Variants in LARP4B observed in about 807,000 individuals in gnomAD.
LARP4B encodes the protein La ribonucleoprotein 4B.
In LARP4B, 12 loss-of-function variants were observed where a neutral mutation model predicts 89.8. That is an observed-to-expected ratio of 0.13 (90% CI 0.09 to 0.22). LARP4B has a LOEUF of 0.22. Among genes scored for constraint, LARP4B ranks in the 10% least tolerant of loss-of-function variants. The pLI is 1.00. For synonymous variants in LARP4B, 367 were observed against 363.3 expected, an observed-to-expected ratio of 1.01 and a Z score of -0.12; for missense variants, 757 against 947.7, an observed-to-expected ratio of 0.80 and a Z score of 2.64.
intron 1 of LARP4B, among the ~76,000 whole-genome samples, chr10:926,893 G>A (rs566196253): frequency 9.2e-5 from 14 of 152,144 alleles, no homozygotes; most frequent in Admixed American, 4.6e-4. Flanking sequence ...AAAATTAGCC[G>A]GGCGTGGTGG....
At chr10:880,357 GT>G (rs1476047172) in intron 3 of LARP4B, among the ~76,000 whole-genome samples, 2 of 152,076 alleles carry the variant, frequency 1.3e-5, no homozygotes, top group East Asian at 3.9e-4. Flanking sequence ...AGGGACTAAA[GT>G]TTTTTGGTAT....
At chr10:890,435 T>C (rs550681124) in intron 1 of LARP4B, among the ~76,000 whole-genome samples, 3 of 152,234 alleles carry the variant, frequency 2.0e-5, no homozygotes, top group Non-Finnish European at 2.9e-5. Context: ...TTTTAATGTA[T>C]ATGTATCTTC....
intron 1 of LARP4B, among the ~76,000 whole-genome samples, chr10:895,672 C>CAA (rs1312520352): frequency 7.8e-5 from 5 of 64,122 alleles, no homozygotes; most frequent in African/African-American, 1.2e-4. Flanking sequence ...GAGTCCATCT[C>CAA]AAAAAAAAAA....
chr10:902,861 T>C (rs1422420350), intron 1 of LARP4B, among the ~76,000 whole-genome samples: 1 of 152,118 alleles, frequency 6.6e-6, no homozygotes, highest in Non-Finnish European at 1.5e-5. Context: ...GCCAGGCTGG[T>C]CTCAACCTGA....
intron 3 of LARP4B, among the ~76,000 whole-genome samples, chr10:883,810 C>A (rs1466317020): frequency 4.0e-5 from 6 of 151,110 alleles, no homozygotes; most frequent in Non-Finnish European, 2.9e-5. Context: ...TCCAACTCCT[C>A]AATTCCTACG....
At chr10:893,792 C>T (rs1836109195) in intron 1 of LARP4B, among the ~76,000 whole-genome samples, 1 of 152,158 alleles carries the variant, frequency 6.6e-6, no homozygotes, top group African/African-American at 2.4e-5. Flanking sequence ...TTCCCAATAG[C>T]CATGCACGGA....
chr10:880,171 C>A (rs1835613821), intron 3 of LARP4B, among the ~76,000 whole-genome samples: 1 of 152,088 alleles, frequency 6.6e-6, no homozygotes, highest in South Asian at 2.1e-4. Context: ...GTGTCACTTG[C>A]GTACAAATAC....
At chr10:849,240 G>C (rs1833926318) in intron 5 of LARP4B, among the ~76,000 whole-genome samples, 1 of 152,186 alleles carries the variant, frequency 6.6e-6, no homozygotes, top group Non-Finnish European at 1.5e-5. Flanking sequence ...ACTCAATCTT[G>C]GTTTCTGATA....
intron 1 of LARP4B, among the ~76,000 whole-genome samples, chr10:900,418 G>GTATTTTT (rs1265812633): frequency 2.5e-5 from 1 of 40,448 alleles, no homozygotes; most frequent in African/African-American, 9.7e-5. Flanking sequence ...AAAGAAGGAT[G>GTATTTTT]TCTTTTTTTT....
intron 3 of LARP4B, among the ~76,000 whole-genome samples, chr10:883,977 T>C (rs762142192): frequency 9.2e-5 from 14 of 152,238 alleles, no homozygotes; most frequent in Non-Finnish European, 1.9e-4. Context: ...TATATATGCA[T>C]ATGCAAATGA....
At chr10:945,468 C>T in the LARP4B span, among the ~76,000 whole-genome samples, 20 of 151,266 alleles carry the variant, frequency 1.3e-4, no homozygotes, top group South Asian at 3.3e-3. Context: ...GGGTGGATCA[C>T]AAGGTCAGGA....
chr10:969,144 T>C, the LARP4B span, among the ~76,000 whole-genome samples: 2 of 152,138 alleles, frequency 1.3e-5, no homozygotes, highest in Non-Finnish European at 1.5e-5. Flanking sequence ...CTGGATTGGA[T>C]AGGATTTCAG....
chr10:902,013 G>A (rs915444133), intron 1 of LARP4B, among the ~76,000 whole-genome samples: 9 of 151,972 alleles, frequency 5.9e-5, no homozygotes, highest in Non-Finnish European at 1.0e-4. Context: ...CTACTAAGTC[G>A]ACACACAAAA....
chr10:938,780 G>GAT, the LARP4B span, among the ~76,000 whole-genome samples: 8 of 152,140 alleles, frequency 5.3e-5, no homozygotes, highest in African/African-American at 1.9e-4. Flanking sequence ...CCGAGGGTAG[G>GAT]ATATATAAGT....
intron 1 of LARP4B, among the ~76,000 whole-genome samples, chr10:924,032 G>A (rs892782429): frequency 2.0e-5 from 3 of 151,906 alleles, no homozygotes; most frequent in Admixed American, 1.3e-4. Flanking sequence ...CCAGGAATTC[G>A]AGACCAGACT....
At chr10:844,291 C>T (rs767735757) in intron 6 of LARP4B, among the ~76,000 whole-genome samples, 1 of 152,178 alleles carries the variant, frequency 6.6e-6, no homozygotes, top group African/African-American at 2.4e-5. Context: ...TGTCATGGTG[C>T]GGTATTCTCA....
chr10:831,276 C>CT (rs76857973), intron 8 of LARP4B, among the ~76,000 whole-genome samples: 1,820 of 121,912 alleles, frequency 0.015, 18 homozygotes, highest in South Asian at 0.026. Flanking sequence ...AACTGCACAA[C>CT]TTTTTTTTTT....
chr10:859,276 C>CAA (rs56896752), intron 5 of LARP4B, among the ~76,000 whole-genome samples: 8,879 of 141,314 alleles, frequency 0.063, 272 homozygotes, highest in African/African-American at 0.073. Flanking sequence ...TATTCCATTT[C>CAA]AAAAAAAAAA....
At chr10:881,629 A>C (rs746507243) in intron 3 of LARP4B, among the ~76,000 whole-genome samples, 1 of 152,208 alleles carries the variant, frequency 6.6e-6, no homozygotes, top group African/African-American at 2.4e-5. Context: ...TACTGTAATC[A>C]TAACTATTGG....
Sources: allele counts gnomAD v4.1 joint callset (sites outside exome capture counted in the v4.1 genomes callset), GRCh38; gene constraint gnomAD v4.1.1; transcripts MANE v1.5; gene names NCBI Gene and HGNC (gene_info 2026-07-23, HGNC 2026-07-21).